The following ALMS1 variants were observed in gnomAD, a reference collection of about 807,000 sequenced individuals.
ALMS1 encodes the protein centrosome-associated protein ALMS1.
ALMS1 carries 271 observed loss-of-function variants against 352.2 expected under a neutral mutation model. The observed-to-expected ratio is 0.77, with a 90% confidence interval of 0.70 to 0.85. The LOEUF is 0.85. Among genes scored for constraint, ALMS1 ranks in the 40% least tolerant of loss-of-function variants. The pLI is 0.00. For missense variants in ALMS1, 5,445 were observed against 4,870.7 expected, an observed-to-expected ratio of 1.12 and a Z score of -3.51; for synonymous variants, 1,865 against 1,761.2, an observed-to-expected ratio of 1.06 and a Z score of -1.48.
intron 3 of ALMS1, among the ~76,000 whole-genome samples, chr2:73,421,025 T>TCA (rs1217434851): frequency 6.6e-6 from 1 of 152,032 alleles, no homozygotes; most frequent in African/African-American, 2.4e-5. Context: ...CACCTTCCCA[T>TCA]CACACACACA....
intron 3 of ALMS1, among the ~76,000 whole-genome samples, chr2:73,421,128 C>A (rs1488733210): frequency 6.6e-6 from 1 of 152,160 alleles, no homozygotes; most frequent in African/African-American, 2.4e-5. Flanking sequence ...ATTTAACTGT[C>A]CAACTCCACC....
Position 73,452,218 on chromosome 2 carries a change from A to C in ALMS1, c.5691A>C (p.Ser1897=). The part of the protein sequence containing the change: ...GIQIASSSSY[S]NREKASIFHQ... ...AAATAGCATCCTCTAGTTCCTACTCAAATAGAGAGAAGGCCAGTATTTTTC... is the reference window on the plus strand; with the variant it reads ...AAATAGCATCCTCTAGTTCCTACTCCAATAGAGAGAAGGCCAGTATTTTTC... The change falls in exon 8 of 23, where the codon TCA becomes TCC. Residue 1897 remains serine, a synonymous_variant. Transcript: ENST00000613296. The C allele has an allele frequency of 6.2e-7, 1 of 1,614,086 alleles. No homozygotes were observed. The highest frequency in any genetic ancestry group is 8.5e-7 in the Non-Finnish European group (1 of 1,180,000).
intron 20 of ALMS1, 87 bp downstream of exon 20, chr2:73,602,455 C>G (rs1291925739): frequency 6.6e-7 from 1 of 1,515,942 alleles, no homozygotes; most frequent in Non-Finnish European, 9.1e-7. Context: ...AAAGGCCAGC[C>G]CAGGCCAGTT....
upstream of ALMS1, chr2:73,385,791 A>C (rs571728800): frequency 4.8e-6 from 3 of 629,256 alleles, no homozygotes; most frequent in East Asian, 2.9e-5. Context: ...CTGGGCCACA[A>C]CCGCCAGTCA....
intron 7 of ALMS1, among the ~76,000 whole-genome samples, chr2:73,441,971 A>G (rs1003354669): frequency 1.3e-5 from 2 of 152,198 alleles, no homozygotes; most frequent in Non-Finnish European, 2.9e-5. Flanking sequence ...GAATAAACTC[A>G]GGGATCTCAA....
intron 21 of ALMS1, among the ~76,000 whole-genome samples, chr2:73,605,577 A>T (rs1179475762): frequency 2.6e-5 from 4 of 152,222 alleles, no homozygotes; most frequent in African/African-American, 9.6e-5. Context: ...AGCCAGGCAC[A>T]GTGGCTCACG....
intron 12 of ALMS1, among the ~76,000 whole-genome samples, chr2:73,536,137 A>G (rs1427429251): frequency 6.6e-6 from 1 of 152,222 alleles, no homozygotes; most frequent in African/African-American, 2.4e-5. Flanking sequence ...AACACTGTTA[A>G]TGGCTACCAG....
chr2:73,568,980 C>T (rs145153449), intron 15 of ALMS1, among the ~76,000 whole-genome samples: 3 of 117,402 alleles, frequency 2.6e-5, no homozygotes, highest in African/African-American at 6.4e-5. Flanking sequence ...AGCTTGCTTG[C>T]TGCTGCTTCT....
rs1364672409 is a variant in ALMS1, at chr2:73,491,257, A to C, written c.9298A>C (p.Lys3100Gln). The C allele has an allele frequency of 1.2e-6, 2 of 1,614,008 alleles. No individual in the cohort carries two copies. The highest frequency in any genetic ancestry group is 2.7e-5 in the African/African-American group (2 of 74,922). The change falls in exon 10 of 23, where the codon AAA becomes CAA. Residue 3100 changes from lysine (K) to glutamine (Q), a missense_variant. By Grantham distance (53) the Lys-to-Gln change is moderately conservative. Coordinates refer to ENST00000613296, the MANE Select transcript of ALMS1 (RefSeq NM_001378454.1). ...VSSRSLEPTS[K>Q]LLTSKPVAQD... ...TTCGAGATCACTGGAACCAACCTCC[A>C]AATTATTGACCAGTAAACCTGTAGC...
rs904787531 is a variant in ALMS1, at chr2:73,453,293, G to C, written c.6766G>C (p.Ala2256Pro). The C allele has an allele frequency of 1.2e-6, 2 of 1,613,942 alleles. No individual in the cohort carries two copies. The highest frequency in any genetic ancestry group is 1.7e-6 in the Non-Finnish European group (2 of 1,179,978). Residue 2256 changes from alanine to proline, a missense_variant, in exon 8 of 23, where the codon GCT (alanine) becomes CCT (proline). By Grantham distance (27) the Ala-to-Pro change is conservative (BLOSUM62 -1). Transcript: ENST00000613296. ...AGAAATCCAGGATGCAGAAAATAGT[G>C]CTAAAACTCTTAAGGAAATTCGGAC... ...SEEIQDAENS[A>P]KTLKEIRTLL...
chr2:73,404,845 ATTC>A (rs1670940802), intron 1 of ALMS1, among the ~76,000 whole-genome samples: 1 of 134,096 alleles, frequency 7.5e-6, no homozygotes, highest in South Asian at 2.3e-4. Flanking sequence ...ATTGGTGTTA[ATTC>A]TTCTTTAAAT....
chr2:73,536,279 A>G lies in ALMS1; in HGVS notation c.9907+1330A>G, dbSNP rs189476033. Among the ~76,000 whole-genome samples the G allele has an allele frequency of 4.9e-3, 751 of 152,316 alleles. 22 individuals are homozygous for G. Among genetic ancestry groups the G allele is most frequent in the Non-Finnish European group, 1.2e-3 (84 of 68,026 alleles). ...TGTGCCAGTACTTTCTGAGGCCTCC[A>G]GTGTCCTGCTATCGATATACGTCAC... On this transcript the variant is annotated intron_variant, in intron 12 of 22. Coordinates refer to ENST00000613296, the MANE Select transcript of ALMS1 (RefSeq NM_001378454.1).
chr2:73,419,964 C>A lies in ALMS1; in HGVS notation c.646+646C>A, dbSNP rs116085421. On this transcript the variant is annotated intron_variant, in intron 3 of 22. Coordinates refer to ENST00000613296, the MANE Select transcript of ALMS1 (RefSeq NM_001378454.1). ...TCAGCAAGTTCTTTGCCAACATAAA[C>A]TAATGCTATCCAAATCAAGGTATTA... Among the ~76,000 whole-genome samples the A allele has an allele frequency of 8.4e-3, 1,272 of 152,334 alleles. 13 individuals are homozygous for A. Among genetic ancestry groups the A allele is most frequent in the African/African-American group, 0.029 (1,217 of 41,570 alleles).
intron 15 of ALMS1, among the ~76,000 whole-genome samples, chr2:73,563,141 T>A (rs1013571110): frequency 6.7e-6 from 1 of 149,758 alleles, no homozygotes; most frequent in Non-Finnish European, 1.5e-5. Context: ...ACAAACCCAG[T>A]TCCATGCTAT....
chr2:73,430,554 C>G (rs1671479193), intron 6 of ALMS1, among the ~76,000 whole-genome samples: 1 of 152,062 alleles, frequency 6.6e-6, no homozygotes, highest in South Asian at 2.1e-4. Flanking sequence ...TATGGTCATG[C>G]CACATAATGA....
In ALMS1 at chr2:73,452,570, A is replaced by G. The variant is rs1416253727; in HGVS notation, c.6043A>G (p.Thr2015Ala). ...DDQKTEFPAA[T>A]LSSYSQIEKP... ...CCAGAAAACTGAGTTTCCAGCAGCT[A>G]CCCTTAGTTCCTACTCACAAATAGA... is the stretch of plus-strand genomic sequence containing the variant. Residue 2015 changes from threonine to alanine, a missense_variant, in exon 8 of 23, where the codon ACC becomes GCC. By Grantham distance (58) the Thr-to-Ala change is moderately conservative (BLOSUM62 0). Transcript: ENST00000613296. 1 of 1,614,006 alleles carries G rather than the reference A, an allele frequency of 6.2e-7. No individual in the cohort carries two copies.
chr2:73,419,326 C>G lies in ALMS1; in HGVS notation c.646+8C>G, dbSNP rs760012033. 2.4e-5 allele frequency: 38 copies of G among 1,611,994 alleles called. No individual in the cohort carries two copies. Among genetic ancestry groups the G allele is most frequent in the Non-Finnish European group, 2.8e-5 (33 of 1,178,230 alleles). On this transcript the variant is annotated splice_region_variant and intron_variant, in intron 3 of 22. Transcript: ENST00000613296. ...TCTGTTCTCCACTGCTAGGTAATGC[C>G]TGTTTATTTTAACTAGTAGTAATAC...
chr2:73,431,085 G>T (rs1387270927), intron 6 of ALMS1, among the ~76,000 whole-genome samples: 12 of 151,912 alleles, frequency 7.9e-5, no homozygotes, highest in Non-Finnish European at 4.4e-5. Flanking sequence ...TGTTTCCTGA[G>T]TATTGTAGGA....
At chr2:73,605,785 G>T (rs1675803544) in intron 21 of ALMS1, among the ~76,000 whole-genome samples, 2 of 152,086 alleles carry the variant, frequency 1.3e-5, no homozygotes, top group African/African-American at 4.8e-5. Context: ...AGAGGTTGCA[G>T]TGAGCCAAGA....
Sources: allele counts gnomAD v4.1 joint callset (sites outside exome capture counted in the v4.1 genomes callset), GRCh38; gene constraint gnomAD v4.1.1; transcripts MANE v1.5; gene names NCBI Gene and HGNC (gene_info 2026-07-23, HGNC 2026-07-21).